MBD5: variants seen among roughly 807,000 people sequenced by gnomAD.
The protein encoded by MBD5 is methyl-CpG-binding domain protein 5.
MBD5 carries 13 observed loss-of-function variants against 117.3 expected under a neutral mutation model. The ratio of observed to expected loss-of-function variants is 0.11; its 90% CI spans 0.07 to 0.18. The LOEUF (loss-of-function observed/expected upper bound fraction) is 0.18. Ranked by LOEUF, MBD5 falls within the 10% of genes least tolerant of loss-of-function variation. MBD5 has a pLI of 1.00. For synonymous variants in MBD5, 727 were observed against 766.4 expected (o/e 0.95, Z 0.85); for missense variants, 1,879 against 2,093.8 (o/e 0.90, Z 2.00).
intron 4 of MBD5, among the ~76,000 whole-genome samples, chr2:148,407,339 AGTGTGT>A (rs34324249): frequency 1.7e-3 from 234 of 140,180 alleles, no homozygotes; most frequent in African/African-American, 3.5e-3. Context: ...TGGCTTTCTG[AGTGTGT>A]GTGTGTGTGT....
chr2:148,477,928 C>G (rs1681023300), intron 8 of MBD5, among the ~76,000 whole-genome samples: 1 of 152,110 alleles, frequency 6.6e-6, no homozygotes, highest in Non-Finnish European at 1.5e-5. Flanking sequence ...AAAATTAGAG[C>G]TAAACAAAAT....
intron 4 of MBD5, among the ~76,000 whole-genome samples, chr2:148,406,879 G>A (rs1260861880): frequency 6.6e-6 from 1 of 152,150 alleles, no homozygotes; most frequent in East Asian, 1.9e-4. Flanking sequence ...CCTCTCAGAA[G>A]AGACTTCCCA....
At chr2:148,328,516 G>T (rs949977784) in intron 3 of MBD5, among the ~76,000 whole-genome samples, 1 of 152,190 alleles carries the variant, frequency 6.6e-6, no homozygotes, top group Non-Finnish European at 1.5e-5. Flanking sequence ...AGGACCCTCC[G>T]ACCCAGGTGC....
At chr2:148,438,386 A>G (rs1706217043) in intron 4 of MBD5, among the ~76,000 whole-genome samples, 3 of 152,112 alleles carry the variant, frequency 2.0e-5, no homozygotes, top group African/African-American at 7.2e-5. Context: ...CAATTAAGCA[A>G]TTTTCTGCTT....
intron 10 of MBD5, 126 bp from the exon 11 acceptor site, chr2:148,489,260 T>G: frequency 1.7e-6 from 2 of 1,167,842 alleles, no homozygotes; most frequent in Non-Finnish European, 2.4e-6. Flanking sequence ...TTGAGTCTTG[T>G]TCTTTATATT....
intron 1 of MBD5, among the ~76,000 whole-genome samples, chr2:148,042,722 A>G (rs978381247): frequency 1.3e-5 from 2 of 152,194 alleles, no homozygotes; most frequent in African/African-American, 4.8e-5. Context: ...TATGATATTA[A>G]TAGTTTCCTT....
At position 148,063,995 on chromosome 2, in the gene MBD5, G is replaced by A. The variant is rs1216638869; in HGVS notation, c.-925+42311G>A. On this transcript the variant is annotated intron_variant, in intron 1 of 13. Transcript: ENST00000642680. Reference sequence around the variant, plus strand: ...AAGATTGATAATATGTCTAATACTAGCAAACTTGTTTCTCCTGGGTTCTGG... The same window carrying A: ...AAGATTGATAATATGTCTAATACTAACAAACTTGTTTCTCCTGGGTTCTGG... 3.3e-5 allele frequency among the ~76,000 whole-genome samples: 5 copies of A among 152,054 alleles called. No homozygotes were observed. In the East Asian group the frequency reaches 9.7e-4, roughly 29 times the overall value.
At chr2:148,164,753 GT>G (rs2105765809) in intron 1 of MBD5, among the ~76,000 whole-genome samples, 2 of 152,002 alleles carry the variant, frequency 1.3e-5, no homozygotes, top group Admixed American at 1.3e-4. Flanking sequence ...TTCATTTCCT[GT>G]TGCCATAACA....
chr2:148,399,525 G>T (rs953457535), intron 4 of MBD5, among the ~76,000 whole-genome samples: 4 of 152,160 alleles, frequency 2.6e-5, no homozygotes, highest in East Asian at 3.9e-4. Flanking sequence ...CTTTGCTGAA[G>T]ATGCCTATCA....
intron 3 of MBD5, among the ~76,000 whole-genome samples, chr2:148,304,536 C>G (rs941525852): frequency 2.6e-5 from 4 of 152,120 alleles, no homozygotes; most frequent in Non-Finnish European, 5.9e-5. Context: ...AGCTACTATT[C>G]TGGACTACGT....
intron 4 of MBD5, among the ~76,000 whole-genome samples, chr2:148,435,014 G>A (rs1457391712): frequency 6.6e-6 from 1 of 152,088 alleles, no homozygotes; most frequent in African/African-American, 2.4e-5. Context: ...ATAACATGTG[G>A]TCTTCATTGT....
chr2:148,489,352 C>T (rs1051916840), intron 10 of MBD5, 34 bp from the exon 11 acceptor site: 4 of 1,613,522 alleles, frequency 2.5e-6, no homozygotes, highest in Admixed American at 3.3e-5. Flanking sequence ...AATTATTTCC[C>T]TTTCTCTCAC....
intron 4 of MBD5, among the ~76,000 whole-genome samples, chr2:148,420,716 T>C (rs1039107794): frequency 6.6e-6 from 1 of 151,638 alleles, no homozygotes; most frequent in African/African-American, 2.4e-5. Context: ...TTTGTTTTGT[T>C]TTGTTTTGTT....
chr2:148,167,399 T>C (rs1698151184), intron 1 of MBD5, among the ~76,000 whole-genome samples: 1 of 152,136 alleles, frequency 6.6e-6, no homozygotes, highest in Admixed American at 6.5e-5. Flanking sequence ...GATTCAGTTT[T>C]TTCTGCTTTA....
intron 1 of MBD5, among the ~76,000 whole-genome samples, chr2:148,174,976 T>C (rs767172851): frequency 1.8e-4 from 28 of 152,168 alleles, no homozygotes; most frequent in Admixed American, 9.8e-4. Flanking sequence ...AATTAGTTTG[T>C]TTTAAGAGAT....
At chr2:148,494,697 C>T (rs1330421185) in intron 11 of MBD5, among the ~76,000 whole-genome samples, 1 of 152,174 alleles carries the variant, frequency 6.6e-6, no homozygotes, top group Non-Finnish European at 1.5e-5. Context: ...CGCGGTGGCT[C>T]ACGCCTGTAA....
intron 1 of MBD5, among the ~76,000 whole-genome samples, chr2:148,052,746 C>G (rs1183307518): frequency 2.0e-5 from 3 of 152,012 alleles, no homozygotes; most frequent in African/African-American, 7.2e-5. Flanking sequence ...TCATTCCATA[C>G]AGTCTGATAA....
At chr2:148,396,593 T>C (rs1704721407) in intron 4 of MBD5, among the ~76,000 whole-genome samples, 2 of 152,236 alleles carry the variant, frequency 1.3e-5, no homozygotes, top group African/African-American at 4.8e-5. Flanking sequence ...AAAATTCACA[T>C]TTCCAACCTA....
intron 3 of MBD5, among the ~76,000 whole-genome samples, chr2:148,273,348 C>G (rs1701028856): frequency 1.3e-5 from 2 of 152,152 alleles, no homozygotes; most frequent in South Asian, 4.1e-4. Context: ...AACAAATTGT[C>G]CACACAGTTA....
Sources: gnomAD v4.1 joint callset for allele counts (sites outside exome capture counted in the v4.1 genomes callset) on GRCh38, gnomAD v4.1.1 for gene constraint, MANE v1.5 for transcripts, NCBI Gene and HGNC (gene_info 2026-07-23, HGNC 2026-07-21) for gene names.